SGSM1: variants seen among roughly 807,000 people sequenced by gnomAD.
SGSM1 encodes the protein small G protein signaling modulator 1.
SGSM1 carries 73 observed loss-of-function variants against 133.8 expected under a neutral mutation model. The ratio of observed to expected loss-of-function variants is 0.55; its 90% CI spans 0.45 to 0.66. SGSM1 has a LOEUF of 0.66. Ranked by LOEUF, SGSM1 falls within the 30% of genes least tolerant of loss-of-function variation. SGSM1 has a pLI of 0.00. For synonymous variants in SGSM1, 563 were observed against 573.0 expected (o/e 0.98, Z 0.25); for missense variants, 1,213 against 1,448.1 (o/e 0.84, Z 2.64).
chr22:24,853,117 G>T (rs968993899), intron 5 of SGSM1, among the ~76,000 whole-genome samples: 1 of 152,174 alleles, frequency 6.6e-6, no homozygotes, highest in African/African-American at 2.4e-5. Context: ...TTTTACAGCT[G>T]AGGACCAAAG....
Position 24,900,340 on chromosome 22 carries a change from CTTCTTTCTTTCTTTCTTTCT to C in SGSM1, c.2611-1444_2611-1425del, listed in dbSNP as rs201367603. ...CAGCTTTTGTTCTTATTGTTAACCT[CTTCTTTCTTTCTTTCTTTCT>C]TTCTTTCTTTCTTTCTTTCTTTCTT... On this transcript the variant is annotated intron_variant, in intron 19 of 24. Transcript: ENST00000400358. 8.9e-3 allele frequency among the ~76,000 whole-genome samples: 1,126 copies of C among 126,072 alleles called. 11 individuals carry two copies. Among genetic ancestry groups the C allele is most frequent in the Admixed American group, 0.035 (440 of 12,590 alleles). The allele number at this position is 126,072 out of a possible 152,430, so 82.7% of individuals were successfully genotyped here.
chr22:24,897,741 T>C (rs1413313460), intron 18 of SGSM1, among the ~76,000 whole-genome samples: 1 of 152,236 alleles, frequency 6.6e-6, no homozygotes, highest in African/African-American at 2.4e-5. Context: ...AGTTCTGGGA[T>C]TGCAGGCGTG....
At chr22:24,836,565 G>C (rs1266708946) in intron 2 of SGSM1, among the ~76,000 whole-genome samples, 3 of 152,176 alleles carry the variant, frequency 2.0e-5, no homozygotes, top group Non-Finnish European at 4.4e-5. Context: ...TTCACCTTCT[G>C]ATCATTGCAC....
chr22:24,811,561 A>G (rs1927743709), intron 2 of SGSM1, among the ~76,000 whole-genome samples: 1 of 152,140 alleles, frequency 6.6e-6, no homozygotes, highest in Non-Finnish European at 1.5e-5. Context: ...AGATTGGACT[A>G]TGTAATAACA....
intron 12 of SGSM1, among the ~76,000 whole-genome samples, chr22:24,871,974 G>A (rs538363568): frequency 6.6e-6 from 1 of 152,246 alleles, no homozygotes; most frequent in Admixed American, 6.5e-5. Flanking sequence ...GCCAATTTCA[G>A]CCCACTCACC....
rs779562093 is a variant in SGSM1, at chr22:24,855,379, C to T, written c.618C>T (p.Ile206=). The T allele has an allele frequency of 1.4e-5, 22 of 1,613,514 alleles. No individual in the cohort carries two copies. Among genetic ancestry groups the T allele is most frequent in the Non-Finnish European group, 1.8e-5 (21 of 1,179,790 alleles). Residue 206 remains isoleucine (I), a synonymous_variant, in exon 7 of 25, where the codon ATC becomes ATT. Coordinates refer to ENST00000400358, the MANE Select transcript of SGSM1 (RefSeq NM_001098497.3). ...ACGAACTTGTCCAGAGGCACCGCAT[C>T]CACAGCTCCCACGTGCGGCAGGACT... The part of the protein sequence containing the change: ...SADELVQRHR[I]HSSHVRQDSP...
intron 24 of SGSM1, among the ~76,000 whole-genome samples, chr22:24,923,857 G>A (rs1242482224): frequency 6.6e-6 from 1 of 152,106 alleles, no homozygotes; most frequent in African/African-American, 2.4e-5. Flanking sequence ...CCCGACCTCA[G>A]GTGATCCACC....
intron 12 of SGSM1, among the ~76,000 whole-genome samples, chr22:24,872,839 A>G (rs1238911444): frequency 6.6e-6 from 1 of 152,102 alleles, no homozygotes; most frequent in African/African-American, 2.4e-5. Flanking sequence ...GAATTGCTTG[A>G]ACCCGGGAAG....
chr22:24,919,668 C>G (rs976917711), intron 23 of SGSM1, among the ~76,000 whole-genome samples, 158 bp from the exon 24 acceptor site: 2 of 152,206 alleles, frequency 1.3e-5, no homozygotes, highest in African/African-American at 4.8e-5. Flanking sequence ...GAGCCCAGGT[C>G]TCCTGCCTTC....
Position 24,863,312 on chromosome 22 carries a change from A to G in SGSM1, c.926+3472A>G, listed in dbSNP as rs1931262858. On this transcript the variant is annotated intron_variant, in intron 9 of 24. Transcript: ENST00000400358. ...GCTGGGACTACAGGCGCCCACCACT[A>G]TGCCTGGCTAATTCTTTTCTATTTT... Among the ~76,000 whole-genome samples the G allele has an allele frequency of 3.3e-5, 5 of 152,060 alleles. No homozygotes were observed. In the South Asian group the frequency reaches 1.0e-3, roughly 32 times the overall value.
At chr22:24,915,974 A>G (rs2123742504) in intron 22 of SGSM1, among the ~76,000 whole-genome samples, 1 of 152,076 alleles carries the variant, frequency 6.6e-6, no homozygotes, top group South Asian at 2.1e-4. Flanking sequence ...TCTGTACATT[A>G]TTTTTCAAAC....
At chr22:24,921,151 G>A (rs1038349743) in intron 24 of SGSM1, among the ~76,000 whole-genome samples, 3 of 151,498 alleles carry the variant, frequency 2.0e-5, no homozygotes, top group African/African-American at 7.3e-5. Flanking sequence ...CCGCGCTGGA[G>A]TGAAGTGGCA....
chr22:24,871,929 G>A (rs1931786286), intron 12 of SGSM1, among the ~76,000 whole-genome samples: 1 of 152,224 alleles, frequency 6.6e-6, no homozygotes, highest in South Asian at 2.1e-4. Flanking sequence ...CTGAAAGAGT[G>A]CCTAAATCAG....
chr22:24,900,516 C>T (rs1377268797), intron 19 of SGSM1, among the ~76,000 whole-genome samples: 1 of 152,032 alleles, frequency 6.6e-6, no homozygotes. Context: ...TCTCCTGCCT[C>T]AGCCTCCCGA....
chr22:24,895,733 C>G (rs1303453722), intron 18 of SGSM1, among the ~76,000 whole-genome samples: 1 of 152,110 alleles, frequency 6.6e-6, no homozygotes, highest in Non-Finnish European at 1.5e-5. Flanking sequence ...AGAGATAACT[C>G]AATCTCACTC....
At chr22:24,838,048 T>C (rs1929570124) in intron 2 of SGSM1, among the ~76,000 whole-genome samples, 1 of 152,224 alleles carries the variant, frequency 6.6e-6, no homozygotes, top group African/African-American at 2.4e-5. Context: ...CGTTTTCTTG[T>C]ATGATTTTTA....
chr22:24,850,471 C>T, intron 5 of SGSM1, 39 bp downstream of exon 5: 3 of 1,598,420 alleles, frequency 1.9e-6, no homozygotes, highest in Non-Finnish European at 2.6e-6. Flanking sequence ...ATGCTCTGCC[C>T]CCACCTGCCG....
At chr22:24,845,941 T>TTTCTTTCTTTCTTTC (rs1555924219) in intron 3 of SGSM1, among the ~76,000 whole-genome samples, 4 of 115,622 alleles carry the variant, frequency 3.5e-5, no homozygotes, top group African/African-American at 6.9e-5. Context: ...TTTTCTTTTC[T>TTTCTTTCTTTCTTTC]TTTCTTTCTT....
At chr22:24,852,165 A>G (rs939021965) in intron 5 of SGSM1, among the ~76,000 whole-genome samples, 1 of 152,208 alleles carries the variant, frequency 6.6e-6, no homozygotes, top group Non-Finnish European at 1.5e-5. Flanking sequence ...CAATGATAAC[A>G]TTTTACATAC....
Sources: allele counts gnomAD v4.1 joint callset (sites outside exome capture counted in the v4.1 genomes callset), GRCh38; gene constraint gnomAD v4.1.1; transcripts MANE v1.5; gene names NCBI Gene and HGNC (gene_info 2026-07-23, HGNC 2026-07-21).